The following SETBP1 variants were observed in gnomAD, a reference collection of about 807,000 sequenced individuals.
SETBP1 encodes the protein SET-binding protein.
A neutral mutation model predicts 101.0 loss-of-function variants in SETBP1; 9 were observed. The ratio of observed to expected loss-of-function variants is 0.09; its 90% CI spans 0.05 to 0.16. The LOEUF is 0.16. Ranked by LOEUF, SETBP1 falls within the 10% of genes least tolerant of loss-of-function variation. The pLI, the probability that SETBP1 is intolerant of heterozygous loss-of-function variation, is 1.00. For synonymous variants in SETBP1, 818 were observed against 788.5 expected (o/e 1.04, Z -0.63); for missense variants, 1,858 against 2,033.8 (o/e 0.91, Z 1.66).
intron 2 of SETBP1, among the ~76,000 whole-genome samples, chr18:44,851,976 C>CG (rs781210621): frequency 5.3e-4 from 80 of 152,350 alleles, no homozygotes; most frequent in Non-Finnish European, 9.1e-4. Context: ...CGGCCTTCCA[C>CG]GCCCTCCCAG....
intron 2 of SETBP1, among the ~76,000 whole-genome samples, chr18:44,867,068 A>G (rs926230959): frequency 4.6e-5 from 7 of 152,258 alleles, no homozygotes; most frequent in African/African-American, 1.7e-4. Flanking sequence ...AATCCCAAAT[A>G]CATGTACTAG....
chr18:44,903,206 C>T (rs999553300), intron 3 of SETBP1, among the ~76,000 whole-genome samples: 1 of 152,060 alleles, frequency 6.6e-6, no homozygotes, highest in Non-Finnish European at 1.5e-5. Flanking sequence ...CCACCTGTTC[C>T]TATTCTATTC....
intron 2 of SETBP1, 92 bp from the exon 3 acceptor site, chr18:44,869,138 G>A (rs76173341): frequency 2.7e-6 from 3 of 1,121,874 alleles, no homozygotes; most frequent in African/African-American, 1.5e-5. Flanking sequence ...TCTCATCCAG[G>A]CTATGGTAAG....
At chr18:44,790,424 C>T (rs1395953198) in intron 2 of SETBP1, among the ~76,000 whole-genome samples, 1 of 152,162 alleles carries the variant, frequency 6.6e-6, no homozygotes, top group Non-Finnish European at 1.5e-5. Flanking sequence ...GATAATCATA[C>T]ATTAATTTTC....
chr18:44,916,420 C>A (rs555511203), intron 3 of SETBP1, among the ~76,000 whole-genome samples: 1 of 152,276 alleles, frequency 6.6e-6, no homozygotes, highest in South Asian at 2.1e-4. Flanking sequence ...CTTTTGCCTG[C>A]CACCCATGAA....
chr18:44,853,077 A>C (rs1404180244), intron 2 of SETBP1, among the ~76,000 whole-genome samples: 1 of 152,196 alleles, frequency 6.6e-6, no homozygotes, highest in Non-Finnish European at 1.5e-5. Context: ...TTGAAAGAGC[A>C]CTGGGGAATT....
intron 2 of SETBP1, among the ~76,000 whole-genome samples, chr18:44,825,068 T>C (rs562291403): frequency 6.6e-6 from 1 of 152,386 alleles, no homozygotes; most frequent in East Asian, 1.9e-4. Context: ...AGGAACTTGC[T>C]GTATCTTATT....
intron 3 of SETBP1, among the ~76,000 whole-genome samples, chr18:44,911,738 G>C (rs2070314184): frequency 6.6e-6 from 1 of 152,192 alleles, no homozygotes; most frequent in African/African-American, 2.4e-5. Context: ...GAAAGGTCCT[G>C]CTCTATATGC....
rs192941046 is a variant in SETBP1 at position 45,008,402 on chromosome 18, C to G, written c.4001-30083C>G. Among the ~76,000 whole-genome samples the G allele has an allele frequency of 6.6e-5, 10 of 152,288 alleles. No individual in the cohort carries two copies. The East Asian group carries it at 1.2e-3, about 18-fold the overall frequency. On this transcript the variant is annotated intron_variant, in intron 4 of 5. Coordinates refer to ENST00000649279, the MANE Select transcript of SETBP1 (RefSeq NM_015559.3). ...TTACCCTGAGATTTGTGTCTCTTCTCTCATGAATGTATCAGAGTTAAACCC... is the reference window on the plus strand; with the variant it reads ...TTACCCTGAGATTTGTGTCTCTTCTGTCATGAATGTATCAGAGTTAAACCC...
At chr18:44,777,145 C>T (rs1416701072) in intron 2 of SETBP1, among the ~76,000 whole-genome samples, 4 of 151,948 alleles carry the variant, frequency 2.6e-5, no homozygotes, top group East Asian at 3.9e-4. Flanking sequence ...GTGAGACCCC[C>T]GTGTCTACAA....
chr18:45,049,344 A>AGGC (rs1454107725), intron 5 of SETBP1, among the ~76,000 whole-genome samples: 146 of 152,304 alleles, frequency 9.6e-4, no homozygotes, highest in Non-Finnish European at 1.6e-3. Context: ...GGAGTACCCA[A>AGGC]AAGTCTAGAA....
At chr18:44,845,320 C>A (rs1260234444) in intron 2 of SETBP1, among the ~76,000 whole-genome samples, 2 of 152,178 alleles carry the variant, frequency 1.3e-5, no homozygotes, top group African/African-American at 2.4e-5. Context: ...CCCTTCCACT[C>A]TCCTCATTTC....
At chr18:44,901,816 T>C (rs1225699423) in intron 3 of SETBP1, among the ~76,000 whole-genome samples, 2 of 152,330 alleles carry the variant, frequency 1.3e-5, no homozygotes, top group East Asian at 3.9e-4. Flanking sequence ...GGGACAAGCA[T>C]TCTTAGAAAT....
chr18:44,692,064 G>A (rs1279492467), intron 1 of SETBP1, among the ~76,000 whole-genome samples: 1 of 152,206 alleles, frequency 6.6e-6, no homozygotes. Flanking sequence ...AGATGCAAAG[G>A]AAACAAGTTG....
intron 4 of SETBP1, among the ~76,000 whole-genome samples, chr18:44,979,703 C>A (rs2072068831): frequency 6.6e-6 from 1 of 152,156 alleles, no homozygotes; most frequent in Admixed American, 6.5e-5. Flanking sequence ...ATAAAAATCA[C>A]AAATAACTCT....
At chr18:44,934,090 C>A (rs1411978598) in intron 3 of SETBP1, among the ~76,000 whole-genome samples, 1 of 152,078 alleles carries the variant, frequency 6.6e-6, no homozygotes, top group Non-Finnish European at 1.5e-5. Flanking sequence ...TTTTTACCAA[C>A]CTTGTCTTGT....
At chr18:45,000,957 A>C (rs2072605892) in intron 4 of SETBP1, among the ~76,000 whole-genome samples, 1 of 152,176 alleles carries the variant, frequency 6.6e-6, no homozygotes, top group South Asian at 2.1e-4. Context: ...ACCCCAACAA[A>C]ATAGAGGTTG....
intron 2 of SETBP1, among the ~76,000 whole-genome samples, chr18:44,804,206 G>A (rs1478597918): frequency 6.6e-6 from 1 of 152,126 alleles, no homozygotes; most frequent in Non-Finnish European, 1.5e-5. Context: ...TATAGTGTGT[G>A]CATGGTTGTG....
chr18:44,744,786 A>C (rs554303014), intron 2 of SETBP1, among the ~76,000 whole-genome samples: 300 of 150,512 alleles, frequency 2.0e-3, no homozygotes, highest in African/African-American at 6.6e-3. Context: ...AAAAAAACAA[A>C]AAAAAAAACG....
Sources: gnomAD v4.1 joint callset for allele counts (sites outside exome capture counted in the v4.1 genomes callset) on GRCh38, gnomAD v4.1.1 for gene constraint, MANE v1.5 for transcripts, NCBI Gene and HGNC (gene_info 2026-07-23, HGNC 2026-07-21) for gene names.